RALY: variants seen among roughly 807,000 people sequenced by gnomAD.
RALY encodes RALY heterogeneous nuclear ribonucleoprotein.
RALY carries 15 observed loss-of-function variants against 30.7 expected under a neutral mutation model. The ratio of observed to expected loss-of-function variants is 0.49; its 90% CI spans 0.33 to 0.75. The LOEUF is 0.75. RALY is among the 30% of genes least tolerant of loss of function. The pLI, the probability that RALY is intolerant of heterozygous loss-of-function variation, is 0.02. For synonymous variants in RALY, 177 were observed against 170.8 expected (o/e 1.04, Z -0.28); for missense variants, 339 against 414.3 (o/e 0.82, Z 1.58).
intron 2 of RALY, among the ~76,000 whole-genome samples, chr20:34,053,383 A>AT (rs60912814): frequency 0.13 from 6,946 of 53,918 alleles, 1,617 homozygotes; most frequent in African/African-American, 0.18. Flanking sequence ...ATGTTCAATA[A>AT]TTTTTTTTTT....
chr20:33,996,701 A>G (rs577012359), intron 1 of RALY, among the ~76,000 whole-genome samples: 7 of 152,308 alleles, frequency 4.6e-5, no homozygotes, highest in African/African-American at 1.7e-4. Flanking sequence ...ATGTGACATT[A>G]AATACATTCG....
chr20:34,023,124 A>T (rs539759802), intron 1 of RALY, among the ~76,000 whole-genome samples: 3 of 152,208 alleles, frequency 2.0e-5, no homozygotes, highest in Non-Finnish European at 4.4e-5. Context: ...AATCCAAGAT[A>T]CAGTAGAGGA....
At chr20:34,037,309 G>A (rs1380600620) in intron 2 of RALY, among the ~76,000 whole-genome samples, 1 of 152,180 alleles carries the variant, frequency 6.6e-6, no homozygotes, top group Non-Finnish European at 1.5e-5. Flanking sequence ...TAAGACATAC[G>A]GGGGTGGTGT....
At chr20:34,073,921 G>A in intron 5 of RALY, 55 bp downstream of exon 5, 1 of 1,579,194 alleles carries the variant, frequency 6.3e-7, no homozygotes, top group Non-Finnish European at 8.7e-7. Flanking sequence ...GAAGGGTCTT[G>A]AGAGATTGTT....
At position 34,077,143 on chromosome 20, in the gene RALY, C is replaced by T. The variant is rs199685141; in HGVS notation, c.774C>T (p.Pro258=). The T allele has an allele frequency of 5.0e-6, 8 of 1,612,882 alleles. No individual in the cohort carries two copies. The highest frequency in any genetic ancestry group is 1.1e-5 in the South Asian group (1 of 91,018). Residue 258 remains proline (P), a synonymous_variant, in exon 8 of 10, where the codon CCC becomes CCT. Coordinates refer to ENST00000246194, the MANE Select transcript of RALY (RefSeq NM_016732.3). ...GGGGSSRPPA[P]QENTTSEAGL... ...GTGGCAGCAGCCGGCCACCAGCCCC[C>T]CAAGAGAACACAACTTCTGAGGCAG...
intron 1 of RALY, among the ~76,000 whole-genome samples, chr20:34,002,820 G>A (rs571036589): frequency 1.3e-5 from 2 of 152,184 alleles, no homozygotes; most frequent in Admixed American, 1.3e-4. Flanking sequence ...GTATTGTCTC[G>A]CTTCTTATGT....
At chr20:34,060,205 A>T (rs2033375739) in intron 2 of RALY, among the ~76,000 whole-genome samples, 1 of 152,144 alleles carries the variant, frequency 6.6e-6, no homozygotes, top group African/African-American at 2.4e-5. Flanking sequence ...CTTCTCTTTT[A>T]TACTCACATG....
In RALY at chr20:34,082,558, T is replaced by C. The variant is rs903622811; in HGVS notation, c.*2653T>C. 20 of 152,144 alleles carry C rather than the reference T, an allele frequency of 1.3e-4. No individual in the cohort carries two copies. Among genetic ancestry groups the C allele is most frequent in the African/African-American group, 4.3e-4 (18 of 41,396 alleles). The allele number at this position is 152,144 out of a possible 1,614,324, so 9.4% of individuals were successfully genotyped here. On this transcript the variant is annotated 3_prime_UTR_variant, in exon 10 of 10. Transcript: ENST00000246194. ...AAAGCAGGGAAGATACCTTCAAGGG[T>C]AGCAGGCATCAGCTCTACTCACCTT...
Position 34,084,450 on chromosome 20 carries a change from C to T in RALY, c.*4545C>T, listed in dbSNP as rs2034073044. On this transcript the variant is annotated 3_prime_UTR_variant, in exon 10 of 10. Transcript: ENST00000246194. ...GCAAGGCTTGGCTAACAAAAACAGG[C>T]ATCCACTGTGTGGTTATGTCTATTC... 1 of 152,292 alleles carries T rather than the reference C, an allele frequency of 6.6e-6. No homozygotes were observed. The highest frequency in any genetic ancestry group is 2.4e-5 in the African/African-American group (1 of 41,458). 9.4% of individuals were successfully genotyped at this position (152,292 alleles called of 1,614,324 possible). A position where few individuals can be genotyped will look rare whatever the true frequency, so the allele number is the denominator to read the frequency against.
At chr20:34,032,050 C>T (rs2032301562) in intron 2 of RALY, among the ~76,000 whole-genome samples, 1 of 152,180 alleles carries the variant, frequency 6.6e-6, no homozygotes, top group Non-Finnish European at 1.5e-5. Flanking sequence ...GCAACCTCCG[C>T]CTCCCGGGTT....
At chr20:34,077,366 C>T in intron 8 of RALY, 121 bp downstream of exon 8, 1 of 1,544,492 alleles carries the variant, frequency 6.5e-7, no homozygotes, top group Non-Finnish European at 8.7e-7. Flanking sequence ...TCTCTCCTTC[C>T]CAGGGGTTCT....
Position 34,076,992 on chromosome 20 carries a change from G to A in RALY, c.659-36G>A, listed in dbSNP as rs745432993. 24 of 1,610,188 alleles carry A rather than the reference G, an allele frequency of 1.5e-5. No individual in the cohort carries two copies. In the Admixed American group the frequency reaches 4.0e-4, roughly 27 times the overall value. ...GCCCTAGACAGCTACCCCAGGCTGAGTTTTATTCTCCCCTCCTCCACCCCT... is the reference window on the plus strand; with the variant it reads ...GCCCTAGACAGCTACCCCAGGCTGAATTTTATTCTCCCCTCCTCCACCCCT... On this transcript the variant is annotated intron_variant, in intron 7 of 9. Coordinates refer to ENST00000246194, the MANE Select transcript of RALY (RefSeq NM_016732.3).
chr20:34,074,015 A>T (rs2033804548), intron 5 of RALY, 149 bp downstream of exon 5: 1 of 803,794 alleles, frequency 1.2e-6, no homozygotes, highest in Non-Finnish European at 2.0e-6. Context: ...AGCAGAGCTG[A>T]GACTGGGGTC....
chr20:33,998,963 C>A (rs1398856785), intron 1 of RALY, among the ~76,000 whole-genome samples: 1 of 151,272 alleles, frequency 6.6e-6, no homozygotes. Flanking sequence ...CCCGTCTCTA[C>A]TAAAAATAAA....
intron 1 of RALY, among the ~76,000 whole-genome samples, chr20:34,031,211 A>ATTTTTTTTT (rs11297874): frequency 6.1e-4 from 68 of 110,826 alleles, no homozygotes; most frequent in African/African-American, 1.1e-3. Context: ...TGCCTGGCTA[A>ATTTTTTTTT]TTTTTTTTTT....
intron 1 of RALY, among the ~76,000 whole-genome samples, chr20:34,002,238 C>G (rs2030952367): frequency 6.6e-6 from 1 of 152,108 alleles, no homozygotes; most frequent in African/African-American, 2.4e-5. Context: ...AAGATTCACC[C>G]TAATTGATTC....
intron 9 of RALY, among the ~76,000 whole-genome samples, 160 bp downstream of exon 9, chr20:34,078,713 C>T (rs775018973): frequency 5.9e-5 from 9 of 152,152 alleles, no homozygotes; most frequent in Admixed American, 2.0e-4. Context: ...GCCATCCCGT[C>T]ACACCCCTTC....
intron 2 of RALY, among the ~76,000 whole-genome samples, chr20:34,048,271 G>T (rs1339534822): frequency 6.6e-6 from 1 of 152,174 alleles, no homozygotes; most frequent in Non-Finnish European, 1.5e-5. Flanking sequence ...AATGGGCTGG[G>T]AGGCTCCTGA....
Position 34,007,906 on chromosome 20 carries a change from A to G in RALY, c.-93+13775A>G, listed in dbSNP as rs2031235319. Among the ~76,000 whole-genome samples the G allele has an allele frequency of 4.0e-5, 6 of 151,684 alleles. No homozygotes were observed. The South Asian group carries it at 1.2e-3, about 32-fold the overall frequency. ...CTACCATGTTATGGTGTGGTACTAG[A>G]TGGTGTGGATAATACCCATATGAGT... is the stretch of plus-strand genomic sequence containing the variant. On this transcript the variant is annotated intron_variant, in intron 1 of 9. Coordinates refer to ENST00000246194, the MANE Select transcript of RALY (RefSeq NM_016732.3).
Sources: gnomAD v4.1 joint callset for allele counts (sites outside exome capture counted in the v4.1 genomes callset) on GRCh38, gnomAD v4.1.1 for gene constraint, MANE v1.5 for transcripts, NCBI Gene and HGNC (gene_info 2026-07-23, HGNC 2026-07-21) for gene names.